Variants in RBFOX1 observed in about 807,000 individuals in gnomAD.
The protein encoded by RBFOX1 is RNA binding fox-1 homolog 1, also known as RNA binding protein fox-1 homolog 1.
Under a neutral mutation model 57.7 loss-of-function variants are expected in RBFOX1, and 8 were observed. The observed-to-expected ratio is 0.14, with a 90% CI of 0.08 to 0.25. RBFOX1 has a LOEUF of 0.25. Ranked by LOEUF, RBFOX1 falls within the 10% of genes least tolerant of loss-of-function variation. RBFOX1 has a pLI of 1.00. For synonymous variants in RBFOX1, 326 were observed against 222.4 expected (o/e 1.47, Z -4.15); for missense variants, 611 against 548.5 (o/e 1.11, Z -1.14).
rs529577168 is a variant in RBFOX1 at position 6,112,683 on chromosome 16, C to T, written c.-127+92691C>T. Among the ~76,000 whole-genome samples the T allele has an allele frequency of 4.6e-5, 7 of 152,216 alleles. No individual in the cohort carries two copies. The South Asian group carries it at 1.2e-3, about 27-fold the overall frequency. Reference sequence around the variant, plus strand: ...TCCAGCCTGGGCAACAAGAGCAAAACTCCGTCTCAAAAAAACACCTGGAGC... The same window carrying T: ...TCCAGCCTGGGCAACAAGAGCAAAATTCCGTCTCAAAAAAACACCTGGAGC... On this transcript the variant is annotated intron_variant, in intron 1 of 15. Transcript: ENST00000550418.
At chr16:5,304,958 G>A (rs9935372) in intron 1 of RBFOX1, among the ~76,000 whole-genome samples, 151,831 of 152,306 alleles carry the variant, frequency 1, 75,684 homozygotes, top group Middle Eastern at 1. Flanking sequence ...TTGCCTCTTC[G>A]TGTCCTTTAC....
chr16:6,815,818 T>G (rs965037047), intron 3 of RBFOX1, among the ~76,000 whole-genome samples: 1 of 152,172 alleles, frequency 6.6e-6, no homozygotes, highest in Admixed American at 6.5e-5. Flanking sequence ...AATAGTTACT[T>G]TAAGAGGAAA....
At chr16:5,856,563 A>T (rs12709145) in intron 3 of RBFOX1, among the ~76,000 whole-genome samples, 61 of 66,924 alleles carry the variant, frequency 9.1e-4, no homozygotes, top group African/African-American at 3.6e-3. Flanking sequence ...GTGTGTGTGT[A>T]TGTGTGTGTG....
intron 3 of RBFOX1, among the ~76,000 whole-genome samples, chr16:5,793,247 C>T (rs1231097730): frequency 6.6e-6 from 1 of 152,226 alleles, no homozygotes. Context: ...GCTCCTTTTG[C>T]CCACCGTGGG....
chr16:5,608,229 C>G (rs552629142), intron 3 of RBFOX1, among the ~76,000 whole-genome samples: 2 of 152,312 alleles, frequency 1.3e-5, no homozygotes, highest in East Asian at 3.9e-4. Flanking sequence ...GTTACCCTCA[C>G]TTCACGGAGG....
intron 3 of RBFOX1, among the ~76,000 whole-genome samples, chr16:5,723,000 G>A (rs1463291222): frequency 1.3e-5 from 2 of 152,166 alleles, no homozygotes; most frequent in African/African-American, 2.4e-5. Flanking sequence ...CGCATACTTA[G>A]GGCACATAAG....
chr16:6,626,751 C>T (rs1364029037), intron 2 of RBFOX1, among the ~76,000 whole-genome samples: 1 of 151,430 alleles, frequency 6.6e-6, no homozygotes, highest in Non-Finnish European at 1.5e-5. Flanking sequence ...CAGAGTGAGA[C>T]TCCATCTTAA....
At chr16:6,587,650 G>A (rs7191752) in intron 2 of RBFOX1, among the ~76,000 whole-genome samples, 57,700 of 151,992 alleles carry the variant, frequency 0.38, 11,837 homozygotes, top group Middle Eastern at 0.51. Context: ...AAGTAAAAAA[G>A]AATGAAAATC....
At chr16:5,411,390 G>A (rs1349407259) in intron 1 of RBFOX1, among the ~76,000 whole-genome samples, 11 of 152,148 alleles carry the variant, frequency 7.2e-5, no homozygotes. Flanking sequence ...GGAGGAAGGG[G>A]CCATGAGCCA....
intron 2 of RBFOX1, among the ~76,000 whole-genome samples, chr16:5,532,880 T>C (rs1319470456): frequency 6.6e-6 from 1 of 152,206 alleles, no homozygotes; most frequent in Non-Finnish European, 1.5e-5. Context: ...CTTCCCTTTC[T>C]GCCTGGAGAC....
chr16:6,567,706 A>G lies in RBFOX1; in HGVS notation c.-63-86897A>G, dbSNP rs147213214. Among the ~76,000 whole-genome samples the G allele has an allele frequency of 5.7e-3, 870 of 152,290 alleles. 22 individuals carry two copies. Among genetic ancestry groups the G allele is most frequent in the Admixed American group, 0.054 (827 of 15,296 alleles). On this transcript the variant is annotated intron_variant, in intron 2 of 15. Transcript: ENST00000550418. ...CTGAAATGTCAGTGGATGGATGCCT[A>G]TTTACATACTGTGCTTTTCTTGTCC...
At chr16:6,910,561 T>C (rs1012044230) in intron 3 of RBFOX1, among the ~76,000 whole-genome samples, 7 of 152,136 alleles carry the variant, frequency 4.6e-5, no homozygotes, top group Non-Finnish European at 7.4e-5. Flanking sequence ...ACGGCCCCTA[T>C]TGGGGTAAAA....
At chr16:6,639,475 G>A (rs1380129012) in intron 2 of RBFOX1, among the ~76,000 whole-genome samples, 1 of 152,044 alleles carries the variant, frequency 6.6e-6, no homozygotes, top group Non-Finnish European at 1.5e-5. Flanking sequence ...GTAATGACCC[G>A]GAGGAATTAA....
At chr16:6,923,706 T>A (rs1190028315) in intron 3 of RBFOX1, among the ~76,000 whole-genome samples, 1 of 152,096 alleles carries the variant, frequency 6.6e-6, no homozygotes, top group Non-Finnish European at 1.5e-5. Context: ...TTTTCTAGCC[T>A]TTAAAGCAGT....
At chr16:5,877,052 C>T (rs1245665881) in intron 4 of RBFOX1, among the ~76,000 whole-genome samples, 1 of 152,068 alleles carries the variant, frequency 6.6e-6, no homozygotes, top group Non-Finnish European at 1.5e-5. Context: ...TATAAAGGGT[C>T]AGAGAAGAAG....
intron 4 of RBFOX1, among the ~76,000 whole-genome samples, chr16:7,376,182 C>G (rs377049164): frequency 3.9e-5 from 6 of 152,094 alleles, no homozygotes; most frequent in East Asian, 3.9e-4. Context: ...TGTTTATGAG[C>G]TATGTCAATA....
intron 3 of RBFOX1, among the ~76,000 whole-genome samples, chr16:6,700,357 CA>C (rs764836272): frequency 4.5e-4 from 45 of 99,982 alleles, no homozygotes; most frequent in African/African-American, 8.4e-4. Flanking sequence ...AAGGTTAAAA[CA>C]AAAAAAAAAA....
chr16:7,517,781 G>A (rs910362528), intron 4 of RBFOX1, among the ~76,000 whole-genome samples: 6 of 149,112 alleles, frequency 4.0e-5, no homozygotes, highest in Admixed American at 4.0e-4. Context: ...ACAACTAAAT[G>A]CTCACAGCTT....
At chr16:7,320,065 T>G (rs531987091) in intron 4 of RBFOX1, among the ~76,000 whole-genome samples, 19 of 152,188 alleles carry the variant, frequency 1.2e-4, no homozygotes, top group Non-Finnish European at 2.8e-4. Flanking sequence ...AGTTACCTTT[T>G]CTTAAAAAAA....
Sources: gnomAD v4.1 joint callset for allele counts (sites outside exome capture counted in the v4.1 genomes callset) on GRCh38, gnomAD v4.1.1 for gene constraint, MANE v1.5 for transcripts, NCBI Gene and HGNC (gene_info 2026-07-23, HGNC 2026-07-21) for gene names.